The following XKR9 variants were observed in gnomAD, a reference collection of about 807,000 sequenced individuals.
XKR9 encodes XK related 9.
A neutral mutation model predicts 32.0 loss-of-function variants in XKR9; 32 were observed. The observed-to-expected ratio is 1.00, with a 90% confidence interval of 0.76 to 1.34. The LOEUF is 1.34. XKR9 is among the 40% of genes most tolerant of loss of function. XKR9 has a pLI of 0.00. For missense variants in XKR9, 546 were observed against 429.7 expected, an observed-to-expected ratio of 1.27 and a Z score of -2.39; for synonymous variants, 168 against 143.4, an observed-to-expected ratio of 1.17 and a Z score of -1.22.
chr8:70,669,991 A>G (rs1486155601), intron 1 of XKR9, among the ~76,000 whole-genome samples: 1 of 152,194 alleles, frequency 6.6e-6, no homozygotes, highest in Non-Finnish European at 1.5e-5. Flanking sequence ...TATAATAAAT[A>G]GTGGTAAGAC....
chr8:70,674,774 C>T (rs1004813381), intron 1 of XKR9, 44 bp from the exon 2 acceptor site: 12 of 152,222 alleles, frequency 7.9e-5, no homozygotes, highest in Admixed American at 5.9e-4. Context: ...TTTTAGTATT[C>T]GATCTTAAAG....
In XKR9 at chr8:70,752,546, C is replaced by G. The variant is rs973498202; in HGVS notation, n.353-36793C>G. Among the ~76,000 whole-genome samples, 3 of 152,260 alleles carry G rather than the reference C, an allele frequency of 2.0e-5. No homozygotes were observed. In the South Asian group the frequency reaches 6.2e-4, roughly 32 times the overall value. On this transcript the variant is annotated intron_variant and non_coding_transcript_variant, in intron 2 of 3. Transcript: ENST00000520273. ...GTCCTGTGAGAGTGAGAATTTACCCCTAAAAGGCATTAATCCCCCTTAATG... is the reference window on the plus strand; with the variant it reads ...GTCCTGTGAGAGTGAGAATTTACCCGTAAAAGGCATTAATCCCCCTTAATG...
At chr8:70,884,310 T>C in the XKR9 span, among the ~76,000 whole-genome samples, 1 of 152,190 alleles carries the variant, frequency 6.6e-6, no homozygotes, top group African/African-American at 2.4e-5. Flanking sequence ...GCAAATATTT[T>C]ATCCCAGTCT....
At chr8:71,024,938 C>A in the XKR9 span, among the ~76,000 whole-genome samples, 3,685 of 152,328 alleles carry the variant, frequency 0.024, 152 homozygotes, top group African/African-American at 0.084. Flanking sequence ...TCCAGTGCCT[C>A]TATTCAGCCT....
chr8:70,794,065 G>T (rs1586901241), downstream of XKR9, among the ~76,000 whole-genome samples: 1 of 151,956 alleles, frequency 6.6e-6, no homozygotes, highest in South Asian at 2.1e-4. Flanking sequence ...TACAGTTTTT[G>T]TGCATCTTAT....
the XKR9 span, among the ~76,000 whole-genome samples, chr8:70,905,972 C>A: frequency 6.6e-6 from 1 of 152,220 alleles, no homozygotes; most frequent in Non-Finnish European, 1.5e-5. Context: ...ATGTTGCTGG[C>A]TGATCCTTCT....
chr8:70,886,177 G>T, the XKR9 span, among the ~76,000 whole-genome samples: 1 of 152,162 alleles, frequency 6.6e-6, no homozygotes, highest in African/African-American at 2.4e-5. Flanking sequence ...TGCTGAGAAT[G>T]ATCGTTTCCA....
chr8:70,851,107 C>T, the XKR9 span, among the ~76,000 whole-genome samples: 1 of 152,132 alleles, frequency 6.6e-6, no homozygotes, highest in African/African-American at 2.4e-5. Context: ...AATCAATGTG[C>T]AAAAATCACA....
At chr8:70,958,306 ACACTCCCAC>A in the XKR9 span, among the ~76,000 whole-genome samples, 1 of 152,096 alleles carries the variant, frequency 6.6e-6, no homozygotes, top group Admixed American at 6.6e-5. Context: ...GAACTAATTT[ACACTCCCAC>A]CACCAGTGTA....
At chr8:70,684,795 A>G (rs954238122) in intron 3 of XKR9, among the ~76,000 whole-genome samples, 1 of 147,350 alleles carries the variant, frequency 6.8e-6, no homozygotes, top group Non-Finnish European at 1.5e-5. Flanking sequence ...CCACAATGAG[A>G]TACCATCTCA....
the XKR9 span, among the ~76,000 whole-genome samples, chr8:71,009,924 G>C: frequency 6.6e-6 from 1 of 152,204 alleles, no homozygotes; most frequent in Non-Finnish European, 1.5e-5. Context: ...CTGTGTTGAG[G>C]TTGGAAGATG....
chr8:70,985,343 T>G, the XKR9 span, among the ~76,000 whole-genome samples: 1 of 152,206 alleles, frequency 6.6e-6, no homozygotes. Context: ...CATGAACTCA[T>G]TCCTTGTTAT....
chr8:70,681,483 T>A (rs1227941215), intron 3 of XKR9, among the ~76,000 whole-genome samples, 153 bp downstream of exon 3: 1 of 152,128 alleles, frequency 6.6e-6, no homozygotes, highest in Admixed American at 6.6e-5. Context: ...CTAATATAAG[T>A]CATTGCCATA....
At chr8:70,857,847 A>T in the XKR9 span, among the ~76,000 whole-genome samples, 3 of 152,338 alleles carry the variant, frequency 2.0e-5, no homozygotes, top group African/African-American at 7.2e-5. Context: ...GCATATAAAC[A>T]GAACCAATGA....
chr8:70,833,703 C>T, the XKR9 span, among the ~76,000 whole-genome samples: 1 of 152,132 alleles, frequency 6.6e-6, no homozygotes, highest in African/African-American at 2.4e-5. Flanking sequence ...AGGCTGGGTC[C>T]TGGCATCTAT....
chr8:70,911,661 A>G, the XKR9 span, among the ~76,000 whole-genome samples: 1 of 152,214 alleles, frequency 6.6e-6, no homozygotes, highest in Non-Finnish European at 1.5e-5. Context: ...GAAGTATGAA[A>G]CCAAACAGAT....
At chr8:70,733,516 A>G (rs1314502437) in intron 4 of XKR9, among the ~76,000 whole-genome samples, 1 of 152,100 alleles carries the variant, frequency 6.6e-6, no homozygotes, top group Non-Finnish European at 1.5e-5. Flanking sequence ...AATCATAATA[A>G]AACAGTCTAA....
chr8:70,690,629 G>A (rs1426731158), intron 3 of XKR9, among the ~76,000 whole-genome samples: 1 of 151,708 alleles, frequency 6.6e-6, no homozygotes, highest in Non-Finnish European at 1.5e-5. Context: ...GATTACAGGC[G>A]TGAGCCACCG....
At chr8:70,982,243 A>C in the XKR9 span, among the ~76,000 whole-genome samples, 1 of 152,210 alleles carries the variant, frequency 6.6e-6, no homozygotes, top group East Asian at 1.9e-4. Context: ...AGGGCCATAG[A>C]GTTCCCAAGA....
Sources: gnomAD v4.1 joint callset for allele counts (sites outside exome capture counted in the v4.1 genomes callset) on GRCh38, gnomAD v4.1.1 for gene constraint, MANE v1.5 for transcripts, NCBI Gene and HGNC (gene_info 2026-07-23, HGNC 2026-07-21) for gene names.